CNTNAP5: variants seen among roughly 807,000 people sequenced by gnomAD.
CNTNAP5 encodes contactin associated protein family member 5.
In CNTNAP5, 72 loss-of-function variants were observed where a neutral mutation model predicts 150.2. That is an observed-to-expected ratio of 0.48 (90% CI 0.40 to 0.58). CNTNAP5 has a LOEUF of 0.58. CNTNAP5 is among the 20% of genes least tolerant of loss of function. The probability of loss-of-function intolerance (pLI) is 0.00; values close to 1 mark genes in which losing one functional copy is unlikely to be tolerated. For synonymous variants in CNTNAP5, 672 were observed against 619.8 expected, an observed-to-expected ratio of 1.08 and a Z score of -1.25; for missense variants, 1,636 against 1,626.2, an observed-to-expected ratio of 1.01 and a Z score of -0.10.
chr2:124,169,779 C>T (rs746443675), intron 1 of CNTNAP5, among the ~76,000 whole-genome samples: 7 of 152,242 alleles, frequency 4.6e-5, no homozygotes, highest in Non-Finnish European at 4.4e-5. Flanking sequence ...ATGTGACTTC[C>T]CTAACATGAA....
chr2:124,847,870 T>C (rs1442382684), intron 19 of CNTNAP5, among the ~76,000 whole-genome samples: 1 of 152,196 alleles, frequency 6.6e-6, no homozygotes, highest in Non-Finnish European at 1.5e-5. Flanking sequence ...TTTACTTTTG[T>C]CATAAAAATT....
chr2:124,510,348 A>AAC (rs3039130), intron 8 of CNTNAP5, among the ~76,000 whole-genome samples: 10,480 of 68,040 alleles, frequency 0.15, 1,082 homozygotes, highest in Middle Eastern at 0.19. Context: ...TCCATATGTC[A>AAC]ACACACACAC....
At chr2:124,602,485 ATTTG>A (rs971458457) in intron 11 of CNTNAP5, among the ~76,000 whole-genome samples, 1 of 150,132 alleles carries the variant, frequency 6.7e-6, no homozygotes, top group Non-Finnish European at 1.5e-5. Flanking sequence ...CATCTTATTT[ATTTG>A]TTTGTTTGTG....
At chr2:124,602,999 C>T (rs900503500) in intron 11 of CNTNAP5, among the ~76,000 whole-genome samples, 3 of 113,680 alleles carry the variant, frequency 2.6e-5, no homozygotes, top group East Asian at 2.1e-4. Flanking sequence ...AACATCTTCC[C>T]TCTCTCCCTC....
intron 13 of CNTNAP5, among the ~76,000 whole-genome samples, chr2:124,677,811 A>C (rs1480622414): frequency 6.6e-6 from 1 of 151,968 alleles, no homozygotes; most frequent in East Asian, 1.9e-4. Context: ...GCTAGACAGA[A>C]AAGTTCTCCA....
chr2:124,447,198 T>A (rs1692843077), intron 6 of CNTNAP5, among the ~76,000 whole-genome samples: 1 of 152,110 alleles, frequency 6.6e-6, no homozygotes, highest in Non-Finnish European at 1.5e-5. Context: ...TCTCATTTTT[T>A]TTTTTCCTGC....
intron 1 of CNTNAP5, among the ~76,000 whole-genome samples, chr2:124,211,015 C>T (rs1450241170): frequency 1.3e-5 from 2 of 152,166 alleles, no homozygotes; most frequent in Non-Finnish European, 2.9e-5. Flanking sequence ...TACATGATGC[C>T]TGGGACACTG....
intron 19 of CNTNAP5, among the ~76,000 whole-genome samples, chr2:124,814,493 G>A (rs1682307104): frequency 6.6e-6 from 1 of 152,010 alleles, no homozygotes; most frequent in Admixed American, 6.6e-5. Flanking sequence ...TGGGGGCCCA[G>A]TGTCTACAGG....
chr2:124,288,837 G>A lies in CNTNAP5; in HGVS notation c.381+46444G>A, dbSNP rs1414273889. Among the ~76,000 whole-genome samples, 5 of 152,270 alleles carry A rather than the reference G, an allele frequency of 3.3e-5. No individual in the cohort carries two copies. The East Asian group carries it at 9.6e-4, about 29-fold the overall frequency. Reference sequence around the variant, plus strand: ...GTTTCTTCCTGGTTTGGTGTTCAAAGCCAAGAACAGTGACTGGAAAGTCAG... The same window carrying A: ...GTTTCTTCCTGGTTTGGTGTTCAAAACCAAGAACAGTGACTGGAAAGTCAG... On this transcript the variant is annotated intron_variant, in intron 3 of 23. Transcript: ENST00000682447.
chr2:124,277,040 C>A (rs9646914), intron 3 of CNTNAP5, among the ~76,000 whole-genome samples: 1 of 151,890 alleles, frequency 6.6e-6, no homozygotes, highest in Admixed American at 6.6e-5. Flanking sequence ...CCTTGACAGG[C>A]CTCTCCAGCC....
chr2:124,053,642 G>T (rs980102228), intron 1 of CNTNAP5, among the ~76,000 whole-genome samples: 2 of 152,152 alleles, frequency 1.3e-5, no homozygotes, highest in Non-Finnish European at 1.5e-5. Context: ...GAGTTAAATG[G>T]CATGGTTTAC....
At position 124,447,851 on chromosome 2, in the gene CNTNAP5, A is replaced by T. The variant is rs561138262; in HGVS notation, c.918+914A>T. Among the ~76,000 whole-genome samples the T allele has an allele frequency of 7.9e-5, 12 of 152,314 alleles. No homozygotes were observed. The South Asian group carries it at 2.5e-3, about 32-fold the overall frequency. On this transcript the variant is annotated intron_variant, in intron 6 of 23. Transcript: ENST00000682447. ...TTCAAAAAATGTCAAACAGTCCAGT[A>T]TTTATGGAATTCAAAAGAATAGGCC...
chr2:124,227,408 C>A (rs1337023890), intron 2 of CNTNAP5, among the ~76,000 whole-genome samples: 1 of 152,266 alleles, frequency 6.6e-6, no homozygotes, highest in Middle Eastern at 3.4e-3. Flanking sequence ...CCAGATTTTA[C>A]ACACACACTC....
At chr2:124,440,964 TTAAG>T (rs1277091285) in intron 5 of CNTNAP5, among the ~76,000 whole-genome samples, 4 of 152,156 alleles carry the variant, frequency 2.6e-5, no homozygotes, top group Non-Finnish European at 5.9e-5. Context: ...TTCGTGAGAA[TTAAG>T]TGTTTTGTGA....
intron 12 of CNTNAP5, among the ~76,000 whole-genome samples, chr2:124,635,156 G>C (rs1677945890): frequency 6.6e-6 from 1 of 152,118 alleles, no homozygotes. Context: ...AAGTATGATG[G>C]CTTCTGGGGA....
intron 8 of CNTNAP5, among the ~76,000 whole-genome samples, chr2:124,517,839 T>A (rs1694762757): frequency 6.6e-6 from 1 of 151,108 alleles, no homozygotes; most frequent in Non-Finnish European, 1.5e-5. Context: ...GTGGTTTTGA[T>A]GATTGTTCCT....
intron 4 of CNTNAP5, among the ~76,000 whole-genome samples, chr2:124,418,617 A>T (rs1452425703): frequency 6.6e-6 from 1 of 152,196 alleles, no homozygotes; most frequent in Non-Finnish European, 1.5e-5. Context: ...TGGTAAAATG[A>T]CTGTATTTAT....
At chr2:124,821,311 C>G (rs1158391164) in intron 19 of CNTNAP5, among the ~76,000 whole-genome samples, 1 of 152,104 alleles carries the variant, frequency 6.6e-6, no homozygotes, top group Admixed American at 6.6e-5. Context: ...GCCTTTCTAT[C>G]CACTTTCTTT....
chr2:124,446,302 C>G lies in CNTNAP5; in HGVS notation c.734-451C>G, dbSNP rs1294839291. The stretch of plus-strand genomic sequence containing the variant: ...CCATGACATATGGGATGATTATTTC[C>G]TTGCCACTGCTTTTGCCCACAAACT... On this transcript the variant is annotated intron_variant, in intron 5 of 23. Transcript: ENST00000682447. Among the ~76,000 whole-genome samples the G allele has an allele frequency of 2.0e-5, 3 of 152,122 alleles. No homozygotes were observed. In the East Asian group the frequency reaches 5.8e-4, roughly 29 times the overall value.
Sources: allele counts gnomAD v4.1 joint callset (sites outside exome capture counted in the v4.1 genomes callset), GRCh38; gene constraint gnomAD v4.1.1; transcripts MANE v1.5; gene names NCBI Gene and HGNC (gene_info 2026-07-23, HGNC 2026-07-21).